USP47: variants seen among roughly 807,000 people sequenced by gnomAD.
USP47 encodes the protein ubiquitin specific peptidase 47.
A neutral mutation model predicts 165.1 loss-of-function variants in USP47; 35 were observed. That is an observed-to-expected ratio of 0.21 (90% confidence interval 0.16 to 0.28). The LOEUF (loss-of-function observed/expected upper bound fraction) is 0.28, where lower values mean the gene tolerates loss of function less well. USP47 is among the 10% of genes least tolerant of loss of function. USP47 has a pLI of 1.00. For missense variants in USP47, 1,277 were observed against 1,607.4 expected, an observed-to-expected ratio of 0.79 and a Z score of 3.52; for synonymous variants, 531 against 544.5, an observed-to-expected ratio of 0.98 and a Z score of 0.35.
At chr11:11,887,924 A>G (rs1851268723) in intron 3 of USP47, among the ~76,000 whole-genome samples, 1 of 152,098 alleles carries the variant, frequency 6.6e-6, no homozygotes, top group African/African-American at 2.4e-5. Flanking sequence ...ACTCAAAACC[A>G]CATGACTACA....
intron 10 of USP47, 137 bp downstream of exon 10, chr11:11,920,631 T>C: frequency 1.4e-6 from 1 of 704,174 alleles, no homozygotes; most frequent in Non-Finnish European, 2.1e-6. Context: ...TCTTATTTTC[T>C]AATGTGGAAT....
Position 11,955,175 on chromosome 11 carries a change from C to G in USP47, c.3893+11C>G. On this transcript the variant is annotated intron_variant, in intron 27 of 27. Transcript: ENST00000527733. ...GGTCATATTTTATAGGTAACATTCA[C>G]AATGTTTTTGTTGCTGTTAGTAATA... 1 of 1,607,080 alleles carries G rather than the reference C, an allele frequency of 6.2e-7. No homozygotes were observed. The highest frequency in any genetic ancestry group is 2.2e-5 in the East Asian group (1 of 44,774).
chr11:11,942,455 T>C lies in USP47; in HGVS notation c.2434T>C (p.Ser812Pro), dbSNP rs1254089586. ...ATTATTTGTTTTGCTACCTGAACAA[T>C]CCCCAGTATCTTATTCCAAAAGGAC... ...IRLFVLLPEQSPVSYSKRTAY... is the reference protein window; with the variant it reads ...IRLFVLLPEQPPVSYSKRTAY... Residue 812 changes from serine (S) to proline (P), a missense_variant, in exon 20 of 28, where the codon TCC becomes CCC. Coordinates refer to ENST00000527733, the MANE Select transcript of USP47 (RefSeq NM_001282659.2). The C allele has an allele frequency of 1.2e-6, 2 of 1,613,416 alleles. No homozygotes were observed. Among genetic ancestry groups the C allele is most frequent in the African/African-American group, 2.7e-5 (2 of 74,840 alleles).
intron 1 of USP47, among the ~76,000 whole-genome samples, chr11:11,875,184 A>C (rs544140066): frequency 6.6e-6 from 1 of 152,116 alleles, no homozygotes; most frequent in Non-Finnish European, 1.5e-5. Flanking sequence ...GTACCTTCAT[A>C]ATTTTAAAAT....
intron 8 of USP47, among the ~76,000 whole-genome samples, chr11:11,906,132 C>T (rs377149920): frequency 6.6e-5 from 10 of 152,014 alleles, no homozygotes; most frequent in Non-Finnish European, 1.0e-4. Flanking sequence ...TTTCTCATTC[C>T]ATATGTCATC....
At chr11:11,856,026 A>G (rs567355615) in intron 1 of USP47, among the ~76,000 whole-genome samples, 1 of 152,326 alleles carries the variant, frequency 6.6e-6, no homozygotes, top group South Asian at 2.1e-4. Flanking sequence ...CTTGATTATT[A>G]TGTAGAGAAG....
At position 11,842,005 on chromosome 11, in the gene USP47, G is replaced by C. The variant is rs1848144603; in HGVS notation, c.-181G>C. On this transcript the variant is annotated 5_prime_UTR_variant, in exon 1 of 28. Transcript: ENST00000527733. Reference sequence around the variant, plus strand: ...CGGCTGTGGTAGCGGCGGCGGCGGCGGCGGAGCCCTGGGTCGGTGTCTGCG... The same window carrying C: ...CGGCTGTGGTAGCGGCGGCGGCGGCCGCGGAGCCCTGGGTCGGTGTCTGCG... 3.3e-6 allele frequency: 2 copies of C among 597,474 alleles called. No homozygotes were observed. Among genetic ancestry groups the C allele is most frequent in the Non-Finnish European group, 2.7e-6 (1 of 369,730 alleles). 37.0% of individuals were successfully genotyped at this position (597,474 alleles called of 1,614,324 possible). A position where few individuals can be genotyped will look rare whatever the true frequency, so the allele number is the denominator to read the frequency against.
At chr11:11,865,416 T>A (rs915028307) in intron 1 of USP47, among the ~76,000 whole-genome samples, 2 of 152,180 alleles carry the variant, frequency 1.3e-5, no homozygotes, top group Admixed American at 6.5e-5. Context: ...GATTCTTTTG[T>A]CATCTTCATT....
chr11:11,919,210 A>G (rs1853646478), intron 8 of USP47, among the ~76,000 whole-genome samples: 2 of 152,008 alleles, frequency 1.3e-5, no homozygotes, highest in African/African-American at 2.4e-5. Context: ...ATATTTTGCA[A>G]CTACGACCAT....
In USP47 at chr11:11,899,944, C is replaced by T. The variant is rs184370473; in HGVS notation, c.593+2251C>T. On this transcript the variant is annotated intron_variant, in intron 5 of 27. Coordinates refer to ENST00000527733, the MANE Select transcript of USP47 (RefSeq NM_001282659.2). ...AAAGGATAGACTATCCACAGAGTAG[C>T]GCTACCATGAAAGGATAGACTAGCC... Among the ~76,000 whole-genome samples, 331 of 152,026 alleles carry T rather than the reference C, an allele frequency of 2.2e-3. 1 individual carries two copies. Among genetic ancestry groups the T allele is most frequent in the Middle Eastern group, 6.8e-3 (2 of 294 alleles).
At chr11:11,890,631 A>T (rs538180056) in intron 3 of USP47, among the ~76,000 whole-genome samples, 1 of 152,194 alleles carries the variant, frequency 6.6e-6, no homozygotes, top group Non-Finnish European at 1.5e-5. Flanking sequence ...AGGCAGAAAT[A>T]CCATTTGACC....
chr11:11,844,680 AT>A (rs1314847259), intron 1 of USP47, among the ~76,000 whole-genome samples: 2 of 152,138 alleles, frequency 1.3e-5, no homozygotes, highest in Non-Finnish European at 2.9e-5. Context: ...AAATTAAAAA[AT>A]TTCATGCATT....
intron 5 of USP47, 25 bp from the exon 6 acceptor site, chr11:11,902,690 C>A: frequency 7.2e-7 from 1 of 1,397,398 alleles, no homozygotes. Flanking sequence ...TTTATAAATA[C>A]TTTATTAACA....
At chr11:11,905,824 CT>C (rs11290018) in intron 8 of USP47, among the ~76,000 whole-genome samples, 104,060 of 147,620 alleles carry the variant, frequency 0.7, 37,097 homozygotes, top group Middle Eastern at 0.88. Context: ...TCACTTTTAT[CT>C]TTTTTTTTTT....
chr11:11,879,605 T>C (rs1024930911), intron 1 of USP47, among the ~76,000 whole-genome samples: 1 of 152,122 alleles, frequency 6.6e-6, no homozygotes, highest in African/African-American at 2.4e-5. Flanking sequence ...TTGGATAAGC[T>C]TGTCAGCCCC....
intron 8 of USP47, among the ~76,000 whole-genome samples, chr11:11,917,716 A>G (rs1853531879): frequency 6.6e-6 from 1 of 152,192 alleles, no homozygotes; most frequent in Non-Finnish European, 1.5e-5. Context: ...ACTGTAGAAT[A>G]AAATTACAAA....
chr11:11,957,539 ACTT>A lies in USP47; in HGVS notation c.*1367_*1369del. Reference sequence around the variant, plus strand: ...TCTGTTGTGTTATTTTAGTCATTAAACTTCTGTGGATGAAGAATCTGGGTTAAG... The same window carrying A: ...TCTGTTGTGTTATTTTAGTCATTAAACTGTGGATGAAGAATCTGGGTTAAG... On this transcript the variant is annotated 3_prime_UTR_variant, in exon 28 of 28. Coordinates refer to ENST00000527733, the MANE Select transcript of USP47 (RefSeq NM_001282659.2). 1 of 152,764 alleles carries A rather than the reference ACTT, an allele frequency of 6.5e-6. No homozygotes were observed. The highest frequency in any genetic ancestry group is 1.9e-4 in the East Asian group (1 of 5,188). The allele number at this position is 152,764 out of a possible 1,614,324, so 9.5% of individuals were successfully genotyped here.
chr11:11,928,523 G>A (rs1854422137), intron 11 of USP47, among the ~76,000 whole-genome samples: 1 of 151,976 alleles, frequency 6.6e-6, no homozygotes, highest in Non-Finnish European at 1.5e-5. Context: ...ATAAAGAAGA[G>A]AAACCCTAGT....
intron 5 of USP47, among the ~76,000 whole-genome samples, chr11:11,901,717 G>C (rs2134445220): frequency 6.6e-6 from 1 of 152,250 alleles, no homozygotes; most frequent in East Asian, 1.9e-4. Flanking sequence ...CCAGCACTTT[G>C]GGAGGCAGAG....
Sources: gnomAD v4.1 joint callset for allele counts (sites outside exome capture counted in the v4.1 genomes callset) on GRCh38, gnomAD v4.1.1 for gene constraint, MANE v1.5 for transcripts, NCBI Gene and HGNC (gene_info 2026-07-23, HGNC 2026-07-21) for gene names.